The following VIL1 variants were observed in gnomAD, a reference collection of about 807,000 sequenced individuals.
VIL1 encodes villin-1.
A neutral mutation model predicts 104.0 loss-of-function variants in VIL1; 86 were observed. That is an observed-to-expected ratio of 0.83 (90% CI 0.69 to 0.99). The LOEUF (loss-of-function observed/expected upper bound fraction) is 0.99, where lower values mean the gene tolerates loss of function less well. Ranked by LOEUF, VIL1 falls within the 50% of genes least tolerant of loss-of-function variation. The pLI is 0.00. For missense variants in VIL1, 944 were observed against 1,054.1 expected, an observed-to-expected ratio of 0.90 and a Z score of 1.45; for synonymous variants, 394 against 412.6, an observed-to-expected ratio of 0.95 and a Z score of 0.55.
chr2:218,447,062 CCTGA>C (rs1220712571), intron 19 of VIL1, among the ~76,000 whole-genome samples: 4 of 152,154 alleles, frequency 2.6e-5, no homozygotes, highest in Non-Finnish European at 5.9e-5. Context: ...ACGCGCCCGG[CCTGA>C]CTTTCTTAAA....
Position 218,425,663 on chromosome 2 carries a change from G to A in VIL1, c.199G>A (p.Gly67Ser). 1 of 1,614,188 alleles carries A rather than the reference G, an allele frequency of 6.2e-7. No individual in the cohort carries two copies. The highest frequency in any genetic ancestry group is 1.3e-5 in the African/African-American group (1 of 75,038). ...SLSYDIHYWI[G>S]QDSSLDEQGA... is the part of the protein sequence containing the mutation. ...GTCCTATGACATCCACTACTGGATT[G>A]GCCAGGACTCATCCCTGGATGAGCA... The change falls in exon 4 of 20, where the codon GGC becomes AGC. Residue 67 changes from glycine to serine, a missense_variant. Gly to Ser is a moderately conservative substitution (Grantham distance 56). Transcript: ENST00000248444.
intron 13 of VIL1, among the ~76,000 whole-genome samples, chr2:218,434,204 A>AG (rs1365724482): frequency 6.6e-6 from 1 of 151,544 alleles, no homozygotes; most frequent in East Asian, 1.9e-4. Flanking sequence ...TCTCAAAAAA[A>AG]AAAAAAAAGC....
At chr2:218,437,730 G>A (rs190178524) in intron 17 of VIL1, among the ~76,000 whole-genome samples, 3 of 152,302 alleles carry the variant, frequency 2.0e-5, no homozygotes, top group African/African-American at 7.2e-5. Context: ...GCTGAAACAC[G>A]TTGGTTCTAA....
Position 218,435,754 on chromosome 2 carries a change from T to C in VIL1, c.1826+320T>C, listed in dbSNP as rs143496012. ...AGAGGTTTGCCTTTCAGTAACAAGA[T>C]GCCAGAGGCCAGCCTGCTTTTAGGT... On this transcript the variant is annotated intron_variant, in intron 15 of 19. Transcript: ENST00000248444. Among the ~76,000 whole-genome samples the C allele has an allele frequency of 5.1e-3, 775 of 152,316 alleles. 3 individuals carry two copies. Among genetic ancestry groups the C allele is most frequent in the Middle Eastern group, 0.034 (10 of 294 alleles).
chr2:218,434,504 T>C, intron 13 of VIL1, 22 bp from the exon 14 acceptor site: 1 of 1,595,820 alleles, frequency 6.3e-7, no homozygotes. Context: ...TCTCTCTCCC[T>C]GTCTTCTGCC....
In VIL1 at chr2:218,451,531, T is replaced by A. The variant is rs1450956270; in HGVS notation, c.*2195T>A. 6.6e-6 allele frequency: 1 copy of A among 151,248 alleles called. No individual in the cohort carries two copies. The highest frequency in any genetic ancestry group is 1.5e-5 in the Non-Finnish European group (1 of 67,950). The allele number at this position is 151,248 out of a possible 1,614,324, so 9.4% of individuals were successfully genotyped here. A position where few individuals can be genotyped will look rare whatever the true frequency, so the allele number is the denominator to read the frequency against. ...GATCACAAATGAGTTTACAAACTAC[T>A]TTTTTTTCTCTTTAATTTAGGTGTT... On this transcript the variant is annotated 3_prime_UTR_variant, in exon 20 of 20. Transcript: ENST00000248444.
chr2:218,428,370 G>A (rs1204477716), intron 6 of VIL1, 33 bp downstream of exon 6: 7 of 1,587,900 alleles, frequency 4.4e-6, no homozygotes, highest in Non-Finnish European at 5.2e-6. Context: ...CCTCCCTCTC[G>A]AATCCTAGAC....
At chr2:218,424,649 C>T (rs1452583883) in intron 3 of VIL1, among the ~76,000 whole-genome samples, 5 of 151,024 alleles carry the variant, frequency 3.3e-5, no homozygotes, top group Non-Finnish European at 5.9e-5. Context: ...AATCCATAGT[C>T]ATCTTCTTTT....
intron 3 of VIL1, among the ~76,000 whole-genome samples, chr2:218,425,392 T>C (rs557536703): frequency 6.6e-6 from 1 of 152,350 alleles, no homozygotes; most frequent in African/African-American, 2.4e-5. Context: ...AAGCAAGTTA[T>C]TTCTGAGATG....
At chr2:218,419,394 G>C (rs1166718367) in intron 1 of VIL1, among the ~76,000 whole-genome samples, 1 of 152,102 alleles carries the variant, frequency 6.6e-6, no homozygotes, top group East Asian at 1.9e-4. Flanking sequence ...GGCTCTCTCA[G>C]TCTCCTACCT....
At chr2:218,437,367 T>C in intron 17 of VIL1, 55 bp downstream of exon 17, 1 of 1,580,834 alleles carries the variant, frequency 6.3e-7, no homozygotes, top group South Asian at 1.1e-5. Context: ...AGATCAGTGC[T>C]GATTCCTGCA....
intron 10 of VIL1, 181 bp downstream of exon 10, chr2:218,431,059 G>A: frequency 1.2e-6 from 1 of 825,472 alleles, no homozygotes; most frequent in Non-Finnish European, 1.9e-6. Context: ...CAAAAAGGGA[G>A]CTGAGAGGGC....
chr2:218,449,385 C>A lies in VIL1; in HGVS notation c.*49C>A. 7.0e-7 allele frequency: 1 copy of A among 1,420,834 alleles called. No individual in the cohort carries two copies. Among genetic ancestry groups the A allele is most frequent in the South Asian group, 1.2e-5 (1 of 86,828 alleles). The allele number at this position is 1,420,834 out of a possible 1,614,324, so 88.0% of individuals were successfully genotyped here. A position where few individuals can be genotyped will look rare whatever the true frequency, so the allele number is the denominator to read the frequency against. On this transcript the variant is annotated 3_prime_UTR_variant, in exon 20 of 20. Coordinates refer to ENST00000248444, the MANE Select transcript of VIL1 (RefSeq NM_007127.3). Reference sequence around the variant, plus strand: ...CAGTACCCTACCCTGATTGTAGGGTCTCATTTTCTCACCGATATTAGTCCT... The same window carrying A: ...CAGTACCCTACCCTGATTGTAGGGTATCATTTTCTCACCGATATTAGTCCT...
intron 1 of VIL1, among the ~76,000 whole-genome samples, chr2:218,422,446 G>C (rs776684453): frequency 4.6e-5 from 7 of 152,170 alleles, no homozygotes; most frequent in Non-Finnish European, 7.3e-5. Flanking sequence ...TGATGGAGAA[G>C]GCCATAGCCA....
At position 218,441,824 on chromosome 2, in the gene VIL1, C is replaced by A. The variant is rs975485096; in HGVS notation, c.2370+962C>A. Among the ~76,000 whole-genome samples, 19 of 152,164 alleles carry A rather than the reference C, an allele frequency of 1.2e-4. No homozygotes were observed. The South Asian group carries it at 2.3e-3, about 18-fold the overall frequency. On this transcript the variant is annotated intron_variant, in intron 19 of 19. Coordinates refer to ENST00000248444, the MANE Select transcript of VIL1 (RefSeq NM_007127.3). Reference sequence around the variant, plus strand: ...CCAACATGGTGAAACCCCATCTCTACTAAAATTACAAAAATAGCCGGGCAT... The same window carrying A: ...CCAACATGGTGAAACCCCATCTCTAATAAAATTACAAAAATAGCCGGGCAT...
chr2:218,432,046 G>C lies in VIL1; in HGVS notation c.1204G>C (p.Val402Leu), dbSNP rs769899686. 2.4e-5 allele frequency: 38 copies of C among 1,613,988 alleles called. No homozygotes were observed. Among genetic ancestry groups the C allele is most frequent in the Non-Finnish European group, 3.2e-5 (38 of 1,180,022 alleles). The stretch of plus-strand genomic sequence containing the variant: ...CACCCTGGCCTGATACTGGCCCTAG[G>C]TGTGGCGCATTGAGAACCTAGAGCT... ...MVDDGSGEVQ[V>L]WRIENLELVP... is the part of the protein sequence containing the mutation. The change falls in exon 12 of 20, where the codon GTG becomes CTG. Residue 402 changes from valine (V) to leucine (L), a missense_variant and splice_region_variant. Val to Leu is a conservative substitution (Grantham distance 32). Transcript: ENST00000248444.
chr2:218,424,629 A>G (rs534938800), intron 3 of VIL1, among the ~76,000 whole-genome samples: 1 of 152,118 alleles, frequency 6.6e-6, no homozygotes, highest in Non-Finnish European at 1.5e-5. Context: ...ACTTGAGTCC[A>G]CATTTCCACA....
chr2:218,426,877 C>T (rs1228540179), intron 4 of VIL1, among the ~76,000 whole-genome samples: 1 of 151,810 alleles, frequency 6.6e-6, no homozygotes, highest in Non-Finnish European at 1.5e-5. Context: ...GCTGGGATTA[C>T]AGGCGTGAGC....
At chr2:218,429,804 C>T (rs746167588) in intron 8 of VIL1, 45 bp from the exon 9 acceptor site, 2 of 1,592,850 alleles carry the variant, frequency 1.3e-6, no homozygotes, top group South Asian at 2.2e-5. Flanking sequence ...CTTTCCCAGT[C>T]CAGCACCTCC....
Sources: gnomAD v4.1 joint callset for allele counts (sites outside exome capture counted in the v4.1 genomes callset) on GRCh38, gnomAD v4.1.1 for gene constraint, MANE v1.5 for transcripts, NCBI Gene and HGNC (gene_info 2026-07-23, HGNC 2026-07-21) for gene names.